The following CTDSPL variants were observed in gnomAD, a reference collection of about 807,000 sequenced individuals.
CTDSPL encodes CTD small phosphatase like.
Under a neutral mutation model 30.5 loss-of-function variants are expected in CTDSPL, and 8 were observed. The observed-to-expected ratio is 0.26, with a 90% CI of 0.15 to 0.47. CTDSPL has a LOEUF of 0.47. Among genes scored for constraint, CTDSPL ranks in the 20% least tolerant of loss-of-function variants. CTDSPL has a pLI of 0.99. For missense variants in CTDSPL, 248 were observed against 366.1 expected (o/e 0.68, Z 2.63); for synonymous variants, 110 against 137.9 (o/e 0.80, Z 1.42).
chr3:37,907,933 C>T (rs1377640005), intron 1 of CTDSPL, among the ~76,000 whole-genome samples: 1 of 152,136 alleles, frequency 6.6e-6, no homozygotes, highest in Non-Finnish European at 1.5e-5. Context: ...GTGCCAGGAA[C>T]TATCACACAT....
At chr3:37,925,107 T>C (rs923683221) in intron 1 of CTDSPL, among the ~76,000 whole-genome samples, 2 of 152,158 alleles carry the variant, frequency 1.3e-5, no homozygotes, top group African/African-American at 4.8e-5. Context: ...TCCTTCCCTG[T>C]CCCCTCTGTC....
At chr3:37,934,734 C>T (rs1698895514) in intron 1 of CTDSPL, among the ~76,000 whole-genome samples, 1 of 152,156 alleles carries the variant, frequency 6.6e-6, no homozygotes, top group Non-Finnish European at 1.5e-5. Context: ...AGAGGGATTC[C>T]TGGGAAAGTG....
At chr3:37,942,638 G>T (rs974849251) in intron 1 of CTDSPL, among the ~76,000 whole-genome samples, 1 of 150,372 alleles carries the variant, frequency 6.7e-6, no homozygotes, top group Non-Finnish European at 1.5e-5. Flanking sequence ...GTGAGACCCT[G>T]TCTTTAAAAA....
chr3:37,936,937 A>G (rs1293110067), intron 1 of CTDSPL, among the ~76,000 whole-genome samples: 2 of 133,462 alleles, frequency 1.5e-5, no homozygotes, highest in African/African-American at 5.0e-5. Flanking sequence ...TCTTGTGATG[A>G]GAAAGAAGCT....
intron 1 of CTDSPL, among the ~76,000 whole-genome samples, chr3:37,916,394 T>C (rs1334548911): frequency 6.6e-6 from 1 of 152,230 alleles, no homozygotes; most frequent in Non-Finnish European, 1.5e-5. Context: ...GTTGAAGTCC[T>C]AGCCCCTAGT....
chr3:37,890,488 A>G (rs987383924), intron 1 of CTDSPL, among the ~76,000 whole-genome samples: 14 of 152,334 alleles, frequency 9.2e-5, no homozygotes, highest in African/African-American at 3.4e-4. Flanking sequence ...AAAAAAGCTA[A>G]AAGCTTTGAA....
At chr3:37,868,058 T>C (rs996956355) in intron 1 of CTDSPL, among the ~76,000 whole-genome samples, 4 of 152,138 alleles carry the variant, frequency 2.6e-5, no homozygotes, top group African/African-American at 9.7e-5. Flanking sequence ...AGTCAGGGTA[T>C]TTAGGGTATC....
At chr3:37,942,243 G>GA (rs1291985324) in intron 1 of CTDSPL, among the ~76,000 whole-genome samples, 2 of 150,402 alleles carry the variant, frequency 1.3e-5, no homozygotes, top group African/African-American at 2.4e-5. Context: ...AGATAGCAGA[G>GA]AAAAAAATGT....
chr3:37,876,217 C>G lies in CTDSPL; in HGVS notation c.79+13939C>G, dbSNP rs1377181383. On this transcript the variant is annotated intron_variant, in intron 1 of 7. Transcript: ENST00000273179. ...CATCATTGCACAACTGCACTCCAGC[C>G]TGAGTGACAGAGCAAGACCGTGTCT... is the stretch of plus-strand genomic sequence containing the variant. Among the ~76,000 whole-genome samples, 3 of 152,026 alleles carry G rather than the reference C, an allele frequency of 2.0e-5. No homozygotes were observed. The East Asian group carries it at 5.8e-4, about 29-fold the overall frequency.
At chr3:37,868,504 G>A (rs574195727) in intron 1 of CTDSPL, among the ~76,000 whole-genome samples, 1 of 152,020 alleles carries the variant, frequency 6.6e-6, no homozygotes, top group African/African-American at 2.4e-5. Context: ...GATCCCGAAG[G>A]TTTTCTCCTA....
At chr3:37,927,707 A>ATATATATATATATATATAT (rs1559636073) in intron 1 of CTDSPL, among the ~76,000 whole-genome samples, 2 of 135,110 alleles carry the variant, frequency 1.5e-5, no homozygotes, top group South Asian at 2.3e-4. Flanking sequence ...TATATATATA[A>ATATATATATATATATATAT]AAAATGAAAT....
At chr3:37,980,598 A>G in intron 7 of CTDSPL, 144 bp from the exon 8 acceptor site, 3 of 1,174,396 alleles carry the variant, frequency 2.6e-6, no homozygotes, top group Non-Finnish European at 3.5e-6. Context: ...GAACAAGGGA[A>G]CAAACAAAAT....
Position 37,862,768 on chromosome 3 carries a change from A to G in CTDSPL, c.79+490A>G, listed in dbSNP as rs774559277. ...TGTGTTGTGTGTATTAGAGGTTTGT[A>G]TGGGCCTGACTGAGGGGTTGTGGAA... On this transcript the variant is annotated intron_variant, in intron 1 of 7. Coordinates refer to ENST00000273179, the MANE Select transcript of CTDSPL (RefSeq NM_001008392.2). This position sits in a 1 kb window ranked among gnomAD's most constrained non-coding sequence, Gnocchi z 4.3. 1.3e-5 allele frequency among the ~76,000 whole-genome samples: 2 copies of G among 152,076 alleles called. No individual in the cohort carries two copies. Among genetic ancestry groups the G allele is most frequent in the Non-Finnish European group, 2.9e-5 (2 of 68,014 alleles).
chr3:37,876,400 T>C (rs1698134809), intron 1 of CTDSPL, among the ~76,000 whole-genome samples: 1 of 152,184 alleles, frequency 6.6e-6, no homozygotes, highest in Non-Finnish European at 1.5e-5. Context: ...CCCAAAATAT[T>C]ATCTGTGGTG....
At chr3:37,962,240 G>C (rs1301826667) in intron 3 of CTDSPL, among the ~76,000 whole-genome samples, 3 of 152,156 alleles carry the variant, frequency 2.0e-5, no homozygotes, top group Non-Finnish European at 4.4e-5. Context: ...ACATTTCCAA[G>C]GATGCAGCTG....
At chr3:37,980,561 C>T (rs1699479863) in intron 7 of CTDSPL, among the ~76,000 whole-genome samples, 181 bp from the exon 8 acceptor site, 1 of 152,204 alleles carries the variant, frequency 6.6e-6, no homozygotes, top group Admixed American at 6.5e-5. Context: ...TCTCCCAAGC[C>T]ATTTAGCTTT....
intron 2 of CTDSPL, among the ~76,000 whole-genome samples, chr3:37,949,893 G>C (rs930758404): frequency 1.3e-5 from 2 of 152,160 alleles, no homozygotes; most frequent in African/African-American, 2.4e-5. Context: ...AGCAGGCACA[G>C]GATTTATTCT....
chr3:37,911,910 G>C, intron 1 of CTDSPL: 1 of 287,062 alleles, frequency 3.5e-6, no homozygotes, highest in Non-Finnish European at 7.1e-6. Flanking sequence ...ATACAAAAAT[G>C]TATTAGCTGG....
chr3:37,957,464 A>T (rs1316219188), intron 3 of CTDSPL, among the ~76,000 whole-genome samples: 1 of 151,996 alleles, frequency 6.6e-6, no homozygotes, highest in Non-Finnish European at 1.5e-5. Flanking sequence ...CCCACACCCC[A>T]CTATCTTAGC....
Sources: gnomAD v4.1 joint callset for allele counts (sites outside exome capture counted in the v4.1 genomes callset) on GRCh38, gnomAD v4.1.1 for gene constraint, Gnocchi (gnomAD v3.1) non-coding constraint, MANE v1.5 for transcripts, NCBI Gene and HGNC (gene_info 2026-07-23, HGNC 2026-07-21) for gene names.